The following MEGF10 variants were observed in gnomAD, a reference collection of about 807,000 sequenced individuals.
The protein encoded by MEGF10 is multiple epidermal growth factor-like domains protein 10.
Under a neutral mutation model 147.5 loss-of-function variants are expected in MEGF10, and 86 were observed. The observed-to-expected ratio is 0.58, with a 90% confidence interval of 0.49 to 0.70. The LOEUF is 0.70. Ranked by LOEUF, MEGF10 falls within the 30% of genes least tolerant of loss-of-function variation. The pLI, the probability that MEGF10 is intolerant of heterozygous loss-of-function variation, is 0.00. For missense variants in MEGF10, 1,329 were observed against 1,487.3 expected (o/e 0.89, Z 1.75); for synonymous variants, 478 against 525.5 (o/e 0.91, Z 1.24).
At chr5:127,448,565 T>C (rs542740404) in intron 21 of MEGF10, among the ~76,000 whole-genome samples, 1 of 152,248 alleles carries the variant, frequency 6.6e-6, no homozygotes, top group Non-Finnish European at 1.5e-5. Flanking sequence ...CCAGTTGTAA[T>C]TTAATTAATG....
At chr5:127,247,286 G>C in the MEGF10 span, among the ~76,000 whole-genome samples, 8 of 117,114 alleles carry the variant, frequency 6.8e-5, no homozygotes, top group South Asian at 2.9e-4. Flanking sequence ...TGTGTGGTTG[G>C]GGGGTGGGGG....
intron 9 of MEGF10, among the ~76,000 whole-genome samples, chr5:127,415,642 G>A (rs372622535): frequency 6.6e-6 from 1 of 152,040 alleles, no homozygotes; most frequent in South Asian, 2.1e-4. Context: ...GGTGGCTCAC[G>A]CTTATAATCC....
intron 4 of MEGF10, 71 bp from the exon 5 acceptor site, chr5:127,369,839 G>A: frequency 8.4e-7 from 1 of 1,197,112 alleles, no homozygotes; most frequent in East Asian, 2.4e-5. Flanking sequence ...ACTTGGATGT[G>A]CAACAGCTGT....
intron 15 of MEGF10, 108 bp from the exon 16 acceptor site, chr5:127,435,253 A>G (rs945491835): frequency 6.2e-6 from 8 of 1,291,930 alleles, no homozygotes; most frequent in Non-Finnish European, 8.5e-6. Flanking sequence ...GATAGCTACC[A>G]ATGAGCAGCT....
At chr5:127,413,529 A>G (rs1764648580) in intron 9 of MEGF10, among the ~76,000 whole-genome samples, 2 of 152,262 alleles carry the variant, frequency 1.3e-5, no homozygotes, top group South Asian at 4.1e-4. Flanking sequence ...TAATTCAACT[A>G]TTAAACAGTT....
the MEGF10 span, among the ~76,000 whole-genome samples, chr5:127,265,848 A>G: frequency 6.6e-6 from 1 of 151,954 alleles, no homozygotes; most frequent in Non-Finnish European, 1.5e-5. Flanking sequence ...AGATTGCAAA[A>G]ATTTTCTCCC....
intron 4 of MEGF10, among the ~76,000 whole-genome samples, chr5:127,359,513 A>G (rs1045181533): frequency 2.0e-5 from 3 of 152,038 alleles, no homozygotes; most frequent in African/African-American, 7.2e-5. Flanking sequence ...ATGTTTCCTC[A>G]TACCCTTTTG....
the MEGF10 span, among the ~76,000 whole-genome samples, chr5:127,242,299 G>A: frequency 0.01 from 1,530 of 152,232 alleles, 25 homozygotes; most frequent in African/African-American, 0.035. Context: ...CAGTCATGTT[G>A]CAAATATCTG....
intron 1 of MEGF10, among the ~76,000 whole-genome samples, chr5:127,326,511 G>A (rs1761040394): frequency 1.3e-5 from 2 of 152,164 alleles, no homozygotes; most frequent in South Asian, 2.1e-4. Context: ...GTCCTCATCT[G>A]AGATTGTTCT....
At chr5:127,361,471 A>G (rs1426043182) in intron 4 of MEGF10, among the ~76,000 whole-genome samples, 1 of 151,914 alleles carries the variant, frequency 6.6e-6, no homozygotes, top group Non-Finnish European at 1.5e-5. Flanking sequence ...TCAAAGAACT[A>G]GGTTTTACTT....
upstream of MEGF10, among the ~76,000 whole-genome samples, chr5:127,287,823 T>A (rs1759076660): frequency 6.6e-6 from 1 of 152,034 alleles, no homozygotes; most frequent in South Asian, 2.1e-4. Context: ...GTTGGAAGAC[T>A]TATTACATCT....
In MEGF10 at chr5:127,346,192, A is replaced by G. The variant is rs140140338; in HGVS notation, c.319+5562A>G. Among the ~76,000 whole-genome samples, 364 of 152,242 alleles carry G rather than the reference A, an allele frequency of 2.4e-3. 1 individual carries two copies. Among genetic ancestry groups the G allele is most frequent in the African/African-American group, 8.2e-3 (341 of 41,546 alleles). On this transcript the variant is annotated intron_variant, in intron 4 of 24. Transcript: ENST00000503335. ...ATGCATGTGCAAGTATCTTTTTCGT[A>G]TAATGACTTCTTTTCCTCTGCTAGA...
the MEGF10 span, among the ~76,000 whole-genome samples, chr5:127,240,871 A>G: frequency 3.3e-5 from 5 of 152,240 alleles, no homozygotes; most frequent in Non-Finnish European, 7.3e-5. Context: ...TTTAATGAAG[A>G]ATAATACAAT....
intron 5 of MEGF10, among the ~76,000 whole-genome samples, chr5:127,384,603 C>T (rs935937283): frequency 6.6e-6 from 1 of 152,170 alleles, no homozygotes; most frequent in African/African-American, 2.4e-5. Context: ...GATAAGCTTA[C>T]ACTGAAGTTA....
At chr5:127,368,318 G>T (rs1404032937) in intron 4 of MEGF10, among the ~76,000 whole-genome samples, 1 of 152,094 alleles carries the variant, frequency 6.6e-6, no homozygotes, top group Non-Finnish European at 1.5e-5. Flanking sequence ...CCTGGACCAG[G>T]GTCCCAAGGT....
chr5:127,310,031 T>TTCC (rs1561562252), intron 1 of MEGF10, among the ~76,000 whole-genome samples: 3 of 62,950 alleles, frequency 4.8e-5, no homozygotes, highest in Admixed American at 1.6e-4. Context: ...TCTTTCTTTC[T>TTCC]TTCCTTCTTT....
upstream of MEGF10, among the ~76,000 whole-genome samples, chr5:127,288,476 C>G (rs1759100342): frequency 6.6e-6 from 1 of 152,104 alleles, no homozygotes. Context: ...ACATGAAAAG[C>G]TGGTAAACAT....
At chr5:127,295,668 C>T (rs1412889727) in intron 1 of MEGF10, among the ~76,000 whole-genome samples, 1 of 152,180 alleles carries the variant, frequency 6.6e-6, no homozygotes, top group East Asian at 1.9e-4. Flanking sequence ...CATTAGCTGG[C>T]ATCTGAGTGT....
intron 5 of MEGF10, among the ~76,000 whole-genome samples, chr5:127,377,912 T>C (rs1240993417): frequency 2.0e-5 from 3 of 152,130 alleles, no homozygotes; most frequent in Non-Finnish European, 4.4e-5. Flanking sequence ...TTCACTGGTG[T>C]TAGGGTCAGG....
Sources: allele counts gnomAD v4.1 joint callset (sites outside exome capture counted in the v4.1 genomes callset), GRCh38; gene constraint gnomAD v4.1.1; transcripts MANE v1.5; gene names NCBI Gene and HGNC (gene_info 2026-07-23, HGNC 2026-07-21).